PHC3: variants seen among roughly 807,000 people sequenced by gnomAD.
PHC3 encodes polyhomeotic-like protein 3.
A neutral mutation model predicts 107.4 loss-of-function variants in PHC3; 13 were observed. That is an observed-to-expected ratio of 0.12 (90% CI 0.08 to 0.19). PHC3 has a LOEUF of 0.19. Among genes scored for constraint, PHC3 ranks in the 10% least tolerant of loss-of-function variants. The pLI, the probability that PHC3 is intolerant of heterozygous loss-of-function variation, is 1.00. For missense variants in PHC3, 992 were observed against 1,210.9 expected, an observed-to-expected ratio of 0.82 and a Z score of 2.68; for synonymous variants, 456 against 427.4, an observed-to-expected ratio of 1.07 and a Z score of -0.83.
intron 10 of PHC3, 97 bp from the exon 11 acceptor site, chr3:170,113,616 A>G: frequency 8.6e-7 from 1 of 1,159,260 alleles, no homozygotes. Context: ...CCTATTTGTG[A>G]TAATTTACTA....
chr3:170,153,592 T>C (rs1012145357), intron 4 of PHC3, among the ~76,000 whole-genome samples: 1 of 151,896 alleles, frequency 6.6e-6, no homozygotes, highest in African/African-American at 2.4e-5. Context: ...TGAAACCCCA[T>C]CTCTACTAAA....
intron 7 of PHC3, among the ~76,000 whole-genome samples, chr3:170,131,917 G>C (rs891745562): frequency 6.6e-6 from 1 of 152,164 alleles, no homozygotes; most frequent in Non-Finnish European, 1.5e-5. Context: ...CAATTCAACA[G>C]ATTAGCAATC....
At position 170,128,824 on chromosome 3, in the gene PHC3, C is replaced by T. The variant is rs995641238; in HGVS notation, c.1648G>A (p.Val550Met). 1.2e-6 allele frequency: 2 copies of T among 1,613,980 alleles called. No individual in the cohort carries two copies. The highest frequency in any genetic ancestry group is 1.7e-6 in the Non-Finnish European group (2 of 1,179,876). Residue 550 changes from valine (V) to methionine (M), a missense_variant, in exon 8 of 15, where the codon GTG becomes ATG. Transcript: ENST00000495893. ...PEILSQGQVLVQNALVSEEEL... is the reference protein window; with the variant it reads ...PEILSQGQVLMQNALVSEEEL... ...TCTTCTGACACCAAAGCATTCTGCA[C>T]CAAAACCTGGCCCTGGGACAGAATT... is the stretch of plus-strand genomic sequence containing the variant.
chr3:170,160,368 A>C (rs943807775), intron 4 of PHC3, among the ~76,000 whole-genome samples: 7 of 152,194 alleles, frequency 4.6e-5, no homozygotes, highest in African/African-American at 1.7e-4. Flanking sequence ...GTACTATTAT[A>C]TTATTTACTG....
At chr3:170,165,776 AAAG>A (rs1304650510) in intron 4 of PHC3, among the ~76,000 whole-genome samples, 4 of 149,722 alleles carry the variant, frequency 2.7e-5, no homozygotes, top group African/African-American at 4.9e-5. Context: ...AAAAAAAAAA[AAAG>A]AATTATATGA....
chr3:170,162,799 T>G (rs79004681), intron 4 of PHC3, among the ~76,000 whole-genome samples: 1,852 of 152,224 alleles, frequency 0.012, 40 homozygotes, highest in African/African-American at 0.042. Flanking sequence ...GGATTACAAT[T>G]ACCTCTCTGA....
chr3:170,156,234 A>G (rs1001780455), intron 4 of PHC3, among the ~76,000 whole-genome samples: 1 of 152,082 alleles, frequency 6.6e-6, no homozygotes, highest in Non-Finnish European at 1.5e-5. Context: ...TACAGGCATG[A>G]GCCACCATAT....
At chr3:170,100,398 T>C (rs967425042) in intron 14 of PHC3, among the ~76,000 whole-genome samples, 8 of 152,120 alleles carry the variant, frequency 5.3e-5, no homozygotes, top group South Asian at 2.1e-4. Context: ...CCTTAAACTA[T>C]AGGCATTATG....
At chr3:170,150,706 C>CTGTCT (rs1725803706) in intron 4 of PHC3, 1 of 425,570 alleles carries the variant, frequency 2.3e-6, no homozygotes. Context: ...GAGCGACACT[C>CTGTCT]CATCTAAAAA....
At chr3:170,171,490 T>G (rs755754974) in intron 3 of PHC3, 40 bp from the exon 4 acceptor site, 2 of 1,424,528 alleles carry the variant, frequency 1.4e-6, no homozygotes, top group Non-Finnish European at 1.9e-6. Context: ...GGTAAAAACC[T>G]GAAGTTAAGA....
At chr3:170,178,145 T>TAAA (rs1419093181) in intron 2 of PHC3, among the ~76,000 whole-genome samples, 7 of 150,744 alleles carry the variant, frequency 4.6e-5, no homozygotes, top group African/African-American at 1.7e-4. Context: ...GGAAAATTTT[T>TAAA]TTTTTTTTTT....
Position 170,094,088 on chromosome 3 carries a change from A to G in PHC3, c.*3142T>C, listed in dbSNP as rs1412589062. The G allele has an allele frequency of 6.6e-6, 1 of 152,104 alleles. No homozygotes were observed. The highest frequency in any genetic ancestry group is 1.5e-5 in the Non-Finnish European group (1 of 68,022). 9.4% of individuals were successfully genotyped at this position (152,104 alleles called of 1,614,324 possible). ...GACTGCTCTTAAAACACACCTTTTA[A>G]AAAGTTCTGTTTAGAGCATTCAACA... On this transcript the variant is annotated 3_prime_UTR_variant, in exon 15 of 15. Transcript: ENST00000495893.
At chr3:170,134,710 G>A (rs1207146380) in intron 7 of PHC3, among the ~76,000 whole-genome samples, 1 of 152,132 alleles carries the variant, frequency 6.6e-6, no homozygotes, top group East Asian at 1.9e-4. Flanking sequence ...GTGCTGTCAA[G>A]ATACAAGGAT....
intron 5 of PHC3, chr3:170,147,666 T>C (rs185607352): frequency 1.3e-5 from 2 of 152,332 alleles, no homozygotes; most frequent in East Asian, 3.9e-4. Flanking sequence ...ACATAGGTTA[T>C]ATGCAAATAC....
At chr3:170,131,810 C>A (rs1722300915) in intron 7 of PHC3, among the ~76,000 whole-genome samples, 1 of 152,110 alleles carries the variant, frequency 6.6e-6, no homozygotes, top group African/African-American at 2.4e-5. Context: ...GCACTCCAGC[C>A]TGGGCAACAG....
At chr3:170,112,338 G>A (rs1348132753) in intron 11 of PHC3, among the ~76,000 whole-genome samples, 38 of 151,564 alleles carry the variant, frequency 2.5e-4, no homozygotes, top group Admixed American at 2.5e-3. Flanking sequence ...AGCCTCCAAA[G>A]TAGCTGGGAT....
rs1240690607 is a variant in PHC3 at position 170,158,906 on chromosome 3, A to C, written c.415-9662T>G. ...AGCACCACTGCACTCCAGCATGGAC[A>C]ACAAAGTGAGAACCTGTCTTGAAAA... is the stretch of plus-strand genomic sequence containing the variant. On this transcript the variant is annotated intron_variant, in intron 4 of 14. Coordinates refer to ENST00000495893, the MANE Select transcript of PHC3 (RefSeq NM_024947.4). Among the ~76,000 whole-genome samples the C allele has an allele frequency of 2.0e-5, 3 of 150,382 alleles. No individual in the cohort carries two copies. In the East Asian group the frequency reaches 5.9e-4, roughly 30 times the overall value.
chr3:170,121,468 G>A (rs1720295621), intron 9 of PHC3, among the ~76,000 whole-genome samples: 1 of 152,180 alleles, frequency 6.6e-6, no homozygotes, highest in Non-Finnish European at 1.5e-5. Context: ...GGCACATACG[G>A]GATATTTGTT....
chr3:170,128,141 A>AT (rs552687988), intron 8 of PHC3, among the ~76,000 whole-genome samples: 27 of 150,520 alleles, frequency 1.8e-4, no homozygotes, highest in South Asian at 8.4e-4. Context: ...TCCTAGAATA[A>AT]TTTTTTTTTT....
Sources: gnomAD v4.1 joint callset for allele counts (sites outside exome capture counted in the v4.1 genomes callset) on GRCh38, gnomAD v4.1.1 for gene constraint, MANE v1.5 for transcripts, NCBI Gene and HGNC (gene_info 2026-07-23, HGNC 2026-07-21) for gene names.